PARP8: variants seen among roughly 807,000 people sequenced by gnomAD.
PARP8 encodes the protein poly(ADP-ribose) polymerase family member 8, also known as protein mono-ADP-ribosyltransferase PARP8.
Under a neutral mutation model 124.1 loss-of-function variants are expected in PARP8, and 51 were observed. The observed-to-expected ratio is 0.41, with a 90% CI of 0.33 to 0.52. The LOEUF is 0.52. PARP8 is among the 20% of genes least tolerant of loss of function. The pLI is 0.21. For synonymous variants in PARP8, 391 were observed against 361.5 expected (o/e 1.08, Z -0.93); for missense variants, 860 against 1,018.9 (o/e 0.84, Z 2.12).
intron 2 of PARP8, among the ~76,000 whole-genome samples, chr5:50,676,519 C>T (rs1215048326): frequency 1.3e-5 from 2 of 152,146 alleles, no homozygotes; most frequent in East Asian, 1.9e-4. Flanking sequence ...ATTAGAAGTC[C>T]GTCTTCCGTC....
At chr5:50,796,289 T>C (rs145127346) in intron 12 of PARP8, among the ~76,000 whole-genome samples, 3 of 152,326 alleles carry the variant, frequency 2.0e-5, no homozygotes, top group South Asian at 4.1e-4. Context: ...TTCAGGAAAG[T>C]AATGTTATTC....
chr5:50,756,534 G>A (rs1448255121), intron 3 of PARP8, among the ~76,000 whole-genome samples: 2 of 152,252 alleles, frequency 1.3e-5, no homozygotes, highest in African/African-American at 4.8e-5. Context: ...CAAAGATCAT[G>A]AGCAAACCTC....
intron 3 of PARP8, among the ~76,000 whole-genome samples, chr5:50,754,165 A>C (rs1375079476): frequency 1.0e-5 from 1 of 95,512 alleles, no homozygotes; most frequent in African/African-American, 5.4e-5. Context: ...ACACACACAC[A>C]CACACACACA....
At chr5:50,735,706 C>T (rs1040530073) in intron 2 of PARP8, among the ~76,000 whole-genome samples, 4 of 152,028 alleles carry the variant, frequency 2.6e-5, no homozygotes, top group African/African-American at 9.7e-5. Flanking sequence ...GCATCTGGGA[C>T]ACAACAGTGA....
intron 2 of PARP8, chr5:50,669,473 G>C (rs1749751056): frequency 6.6e-6 from 1 of 151,712 alleles, no homozygotes; most frequent in Admixed American, 6.5e-5. Context: ...GGTGAGACAT[G>C]TGGACAGGAA....
chr5:50,826,960 C>G (rs1746423021), intron 19 of PARP8, among the ~76,000 whole-genome samples, 157 bp downstream of exon 19: 1 of 152,084 alleles, frequency 6.6e-6, no homozygotes, highest in Non-Finnish European at 1.5e-5. Context: ...CCATTGCTCA[C>G]TAGCTCCAAA....
At chr5:50,819,786 T>G (rs187992612) in intron 15 of PARP8, among the ~76,000 whole-genome samples, 2 of 152,240 alleles carry the variant, frequency 1.3e-5, no homozygotes, top group East Asian at 3.9e-4. Context: ...CAGTTCTTGT[T>G]TGGGTTTTCA....
At chr5:50,767,576 G>A (rs1401067044) in intron 7 of PARP8, among the ~76,000 whole-genome samples, 2 of 152,178 alleles carry the variant, frequency 1.3e-5, no homozygotes, top group Non-Finnish European at 2.9e-5. Flanking sequence ...CAGAGTTGTA[G>A]CAGTTGTTTA....
At chr5:50,799,979 G>T (rs1366846868) in intron 14 of PARP8, among the ~76,000 whole-genome samples, 1 of 152,158 alleles carries the variant, frequency 6.6e-6, no homozygotes, top group Non-Finnish European at 1.5e-5. Context: ...AATATTTGTT[G>T]TTATAAGCCA....
At chr5:50,775,265 A>G (rs1393412349) in intron 7 of PARP8, among the ~76,000 whole-genome samples, 1 of 152,242 alleles carries the variant, frequency 6.6e-6, no homozygotes, top group Non-Finnish European at 1.5e-5. Context: ...AGCCTGGGCA[A>G]CATTGAGCAT....
At chr5:50,702,019 T>C (rs759623610) in intron 2 of PARP8, among the ~76,000 whole-genome samples, 4 of 152,186 alleles carry the variant, frequency 2.6e-5, no homozygotes, top group African/African-American at 9.6e-5. Flanking sequence ...TTTTGACAAC[T>C]GACCTTCTTA....
chr5:50,811,513 G>T (rs1259057177), intron 14 of PARP8, among the ~76,000 whole-genome samples: 1 of 151,778 alleles, frequency 6.6e-6, no homozygotes, highest in Non-Finnish European at 1.5e-5. Flanking sequence ...CCTTTTCTTT[G>T]AAATTTTTCC....
At chr5:50,718,824 G>T (rs1246470255) in intron 2 of PARP8, among the ~76,000 whole-genome samples, 1 of 151,946 alleles carries the variant, frequency 6.6e-6, no homozygotes, top group Non-Finnish European at 1.5e-5. Flanking sequence ...TCTTTCTTTT[G>T]AGTATATACA....
At chr5:50,806,867 A>G (rs1164895808) in intron 14 of PARP8, among the ~76,000 whole-genome samples, 1 of 152,072 alleles carries the variant, frequency 6.6e-6, no homozygotes, top group Non-Finnish European at 1.5e-5. Flanking sequence ...CTTATGGGAT[A>G]TTAACCAATT....
At chr5:50,817,824 A>T (rs1340208697) in intron 15 of PARP8, among the ~76,000 whole-genome samples, 1 of 152,134 alleles carries the variant, frequency 6.6e-6, no homozygotes, top group African/African-American at 2.4e-5. Flanking sequence ...AAGACTAATG[A>T]CCGAATTTTT....
At chr5:50,808,810 A>C (rs1744136005) in intron 14 of PARP8, among the ~76,000 whole-genome samples, 1 of 152,012 alleles carries the variant, frequency 6.6e-6, no homozygotes, top group Admixed American at 6.6e-5. Context: ...GAGCATGAGG[A>C]TAAACCTAGG....
intron 23 of PARP8, chr5:50,833,414 TC>T (rs1747206224): frequency 6.6e-6 from 3 of 454,002 alleles, no homozygotes; most frequent in Non-Finnish European, 1.3e-5. Context: ...CCATGTTGTT[TC>T]AGAGAAAACA....
chr5:50,833,967 T>C lies in PARP8; in HGVS notation c.2308-12T>C. 6.2e-7 allele frequency: 1 copy of C among 1,609,446 alleles called. No homozygotes were observed. Among genetic ancestry groups the C allele is most frequent in the East Asian group, 2.2e-5 (1 of 44,716 alleles). On this transcript the variant is annotated splice_polypyrimidine_tract_variant and intron_variant, in intron 23 of 25. Transcript: ENST00000281631. Reference sequence around the variant, plus strand: ...ATTCTGACTCTAAGTTTTAATTGTTTTTGGAATTTAGTCACAGAAAAAAGG... The same window carrying C: ...ATTCTGACTCTAAGTTTTAATTGTTCTTGGAATTTAGTCACAGAAAAAAGG...
chr5:50,837,874 AG>A (rs1319417543), intron 25 of PARP8, among the ~76,000 whole-genome samples: 1 of 152,124 alleles, frequency 6.6e-6, no homozygotes, highest in African/African-American at 2.4e-5. Flanking sequence ...ATTAAATATA[AG>A]TGCTCCAGGC....
Sources: gnomAD v4.1 joint callset for allele counts (sites outside exome capture counted in the v4.1 genomes callset) on GRCh38, gnomAD v4.1.1 for gene constraint, MANE v1.5 for transcripts, NCBI Gene and HGNC (gene_info 2026-07-23, HGNC 2026-07-21) for gene names.